The following NUTM2F variants were observed in gnomAD, a reference collection of about 807,000 sequenced individuals.
NUTM2F encodes NUT family member 2F.
NUTM2F carries 22 observed loss-of-function variants against 43.3 expected under a neutral mutation model. The ratio of observed to expected loss-of-function variants is 0.51; its 90% CI spans 0.36 to 0.73. The LOEUF (loss-of-function observed/expected upper bound fraction) is 0.73, where lower values mean the gene tolerates loss of function less well. Among genes scored for constraint, NUTM2F ranks in the 30% least tolerant of loss-of-function variants. The probability of loss-of-function intolerance (pLI) is 0.00; values close to 1 mark genes in which losing one functional copy is unlikely to be tolerated. For synonymous variants in NUTM2F, 202 were observed against 389.0 expected (o/e 0.52, Z 5.66); for missense variants, 488 against 927.4 (o/e 0.53, Z 6.15).
At chr9:94,321,062 A>G (rs1212976349) in intron 4 of NUTM2F, 31 bp downstream of exon 4, 10 of 1,537,678 alleles carry the variant, frequency 6.5e-6, no homozygotes, top group Non-Finnish European at 8.7e-6. Context: ...GGCCTTTGCC[A>G]TGGCTCCTGT....
Position 94,320,785 on chromosome 9 carries a change from G to A in NUTM2F, c.983-192C>T, listed in dbSNP as rs967837701. On this transcript the variant is annotated intron_variant, in intron 4 of 6. Transcript: ENST00000253262. The surrounding 1 kb of genome is among the most constrained non-coding windows in gnomAD (Gnocchi z 4.5). ...AGCATCGCTTGGGAGGAAGTTTGGA[G>A]CCACCGATATGCCGTGTACTCTCCC... 1.3e-5 allele frequency among the ~76,000 whole-genome samples: 2 copies of A among 152,166 alleles called. No homozygotes were observed. The highest frequency in any genetic ancestry group is 2.1e-4 in the South Asian group (1 of 4,832).
intron 3 of NUTM2F, 36 bp downstream of exon 3, chr9:94,322,165 G>A (rs373331545): frequency 1.7e-5 from 28 of 1,611,304 alleles, no homozygotes; most frequent in African/African-American, 5.4e-5. Flanking sequence ...CTCTCACCCC[G>A]CCACACGGGC....
chr9:94,322,267 T>A lies in NUTM2F; in HGVS notation c.776A>T (p.Gln259Leu). ...PTMTLEEGLWQAMREWQHTSN... is the reference protein window; with the variant it reads ...PTMTLEEGLWLAMREWQHTSN... ...CGTGTGCTGCCATTCCCGCATGGCC[T>A]GCCACAGTCCCTCCTCCAGCGTCAT... The change falls in exon 3 of 7, where the codon CAG becomes CTG. Residue 259 changes from glutamine to leucine, a missense_variant. Gln to Leu is a moderately radical substitution (Grantham distance 113). Coordinates refer to ENST00000253262, the MANE Select transcript of NUTM2F (RefSeq NM_017561.2). 1 of 1,611,820 alleles carries A rather than the reference T, an allele frequency of 6.2e-7. No individual in the cohort carries two copies. The highest frequency in any genetic ancestry group is 8.5e-7 in the Non-Finnish European group (1 of 1,179,688).
Position 94,320,965 on chromosome 9 carries a change from C to A in NUTM2F, c.982+128G>T. ...ACCTGGTCAATACCCAACATACACT[C>A]CCGGAAGCTGTCCTGTTGGAGGGAG... On this transcript the variant is annotated intron_variant, in intron 4 of 6. Coordinates refer to ENST00000253262, the MANE Select transcript of NUTM2F (RefSeq NM_017561.2). This position sits in a 1 kb window ranked among gnomAD's most constrained non-coding sequence, Gnocchi z 4.5. 6.9e-7 allele frequency: 1 copy of A among 1,444,892 alleles called. No homozygotes were observed. Among genetic ancestry groups the A allele is most frequent in the Non-Finnish European group, 9.1e-7 (1 of 1,100,684 alleles). The allele number at this position is 1,444,892 out of a possible 1,614,324, so 89.5% of individuals were successfully genotyped here. A position where few individuals can be genotyped will look rare whatever the true frequency, so the allele number is the denominator to read the frequency against.
At position 94,327,104 on chromosome 9, in the gene NUTM2F, TTC is replaced by T. The variant is rs1178508243; in HGVS notation, c.17-1172_17-1171del. 8.1e-5 allele frequency among the ~76,000 whole-genome samples: 10 copies of T among 123,122 alleles called. 1 individual carries two copies. The highest frequency in any genetic ancestry group is 9.4e-5 in the Non-Finnish European group (5 of 53,012). 80.8% of individuals were successfully genotyped at this position (123,122 alleles called of 152,430 possible). On this transcript the variant is annotated intron_variant, in intron 1 of 6. Transcript: ENST00000253262. ...GAGGTGTCTAGGGATTTTCTTTTTT[TTC>T]TTTTTTTTTTTTTTTGAGACGGAGT...
At position 94,320,559 on chromosome 9, in the gene NUTM2F, C is replaced by T. The variant is rs759189184; in HGVS notation, c.1017G>A (p.Pro339=). 9.9e-6 allele frequency: 16 copies of T among 1,609,632 alleles called. No individual in the cohort carries two copies. The South Asian group carries it at 1.2e-4, about 12-fold the overall frequency. Residue 339 remains proline (P), a synonymous_variant, in exon 5 of 7, where the codon CCG becomes CCA. Transcript: ENST00000253262. This position sits in a 1 kb window ranked among gnomAD's most constrained non-coding sequence, Gnocchi z 4.5. The part of the protein sequence containing the change: ...YLPSKDGPKA[P]TACLPPPRPQ... ...GCCTGGGTGGTGGCAGGCAGGCAGT[C>T]GGGGCCTTGGGGCCATCCTTGCTGG...
Position 94,322,441 on chromosome 9 carries a change from T to C in NUTM2F, c.714-112A>G, listed in dbSNP as rs1270414691. 6.8e-6 allele frequency: 10 copies of C among 1,469,882 alleles called. No homozygotes were observed. The East Asian group carries it at 1.9e-4, about 28-fold the overall frequency. The allele number at this position is 1,469,882 out of a possible 1,614,324, so 91.1% of individuals were successfully genotyped here. A position where few individuals can be genotyped will look rare whatever the true frequency, so the allele number is the denominator to read the frequency against. On this transcript the variant is annotated intron_variant, in intron 2 of 6. Coordinates refer to ENST00000253262, the MANE Select transcript of NUTM2F (RefSeq NM_017561.2). The stretch of plus-strand genomic sequence containing the variant: ...CCACACCTGTCCTGCCATCTGTCCC[T>C]GTCCTGTTCTCCCCCATGTGGGCTC...
rs1433833305 is a variant in NUTM2F, at chr9:94,320,467, T to C, written c.1109A>G (p.Asn370Ser). 6.2e-7 allele frequency: 1 copy of C among 1,611,124 alleles called. No homozygotes were observed. The highest frequency in any genetic ancestry group is 8.5e-7 in the Non-Finnish European group (1 of 1,179,400). The change falls in exon 5 of 7, where the codon AAC becomes AGC. Residue 370 changes from asparagine to serine, a missense_variant. Physicochemically the swap from Asn to Ser is conservative, Grantham distance 46. Transcript: ENST00000253262. This position sits in a 1 kb window ranked among gnomAD's most constrained non-coding sequence, Gnocchi z 4.5. ...PPRPQRPAET[N>S]AHLPPPRPQR... ...GGGCCTGGGTGGTGGCAGGTGGGCG[T>C]TGGTCTCCGCTGGCCTCTGGGGCCT...
chr9:94,323,994 G>A (rs551810720), intron 2 of NUTM2F, among the ~76,000 whole-genome samples: 4 of 152,326 alleles, frequency 2.6e-5, no homozygotes, highest in African/African-American at 7.2e-5. Flanking sequence ...CCCAGGGTGG[G>A]TGCGGTGGCT....
At chr9:94,326,951 T>C (rs1326364314) in intron 1 of NUTM2F, among the ~76,000 whole-genome samples, 1 of 149,960 alleles carries the variant, frequency 6.7e-6, no homozygotes, top group Non-Finnish European at 1.5e-5. Flanking sequence ...CTCAGGAAGC[T>C]CAGTTCCCAG....
rs1404175781 is a variant in NUTM2F at position 94,320,981 on chromosome 9, T to C, written c.982+112A>G. 3.4e-6 allele frequency: 5 copies of C among 1,463,690 alleles called. No individual in the cohort carries two copies. Among genetic ancestry groups the C allele is most frequent in the Non-Finnish European group, 3.6e-6 (4 of 1,112,330 alleles). The allele number at this position is 1,463,690 out of a possible 1,614,324, so 90.7% of individuals were successfully genotyped here. On this transcript the variant is annotated intron_variant, in intron 4 of 6. Transcript: ENST00000253262. The surrounding 1 kb of genome is among the most constrained non-coding windows in gnomAD (Gnocchi z 4.5). ...ACATACACTCCCGGAAGCTGTCCTG[T>C]TGGAGGGAGCAAATCCCCCTCTTGA...
chr9:94,326,245 C>T (rs1174843876), intron 1 of NUTM2F, among the ~76,000 whole-genome samples: 1 of 152,082 alleles, frequency 6.6e-6, no homozygotes, highest in African/African-American at 2.4e-5. Context: ...ATCTCCCAAG[C>T]CATGGGTCAG....
rs773752816 is a variant in NUTM2F at position 94,325,827 on chromosome 9, G to A, written c.124C>T (p.Pro42Ser). 96 of 1,612,008 alleles carry A rather than the reference G, an allele frequency of 6.0e-5. No homozygotes were observed. The highest frequency in any genetic ancestry group is 7.6e-5 in the Non-Finnish European group (90 of 1,179,868). The change falls in exon 2 of 7, where the codon CCC (proline) becomes TCC (serine). Residue 42 changes from proline (P) to serine (S), a missense_variant. Physicochemically the swap from Pro to Ser is moderately conservative, Grantham distance 74 (BLOSUM62 -1). Coordinates refer to ENST00000253262, the MANE Select transcript of NUTM2F (RefSeq NM_017561.2). Reference sequence around the variant, plus strand: ...GGAGGAACCACTGCAGTCACGAGGGGCGGCCTGTGTGCTGGGCCGGGAGCG... The same window carrying A: ...GGAGGAACCACTGCAGTCACGAGGGACGGCCTGTGTGCTGGGCCGGGAGCG... ...TPAPGPAHRP[P>S]LVTAVVPPAG...
Position 94,322,519 on chromosome 9 carries a change from T to C in NUTM2F, c.714-190A>G, listed in dbSNP as rs142736796. Reference sequence around the variant, plus strand: ...TCCAACATCAATAGAAGCCACTGAGTGGCCTCTCCGACTGCCTCTCAAGTC... The same window carrying C: ...TCCAACATCAATAGAAGCCACTGAGCGGCCTCTCCGACTGCCTCTCAAGTC... On this transcript the variant is annotated intron_variant, in intron 2 of 6. Transcript: ENST00000253262. 3.2e-3 allele frequency among the ~76,000 whole-genome samples: 490 copies of C among 152,296 alleles called. 2 individuals are homozygous for C. Among genetic ancestry groups the C allele is most frequent in the African/African-American group, 0.011 (470 of 41,566 alleles).
Position 94,322,288 on chromosome 9 carries a change from G to A in NUTM2F, c.755C>T (p.Thr252Met), listed in dbSNP as rs370496850. The change falls in exon 3 of 7, where the codon ACG (threonine) becomes ATG (methionine). Residue 252 changes from threonine to methionine, a missense_variant. Coordinates refer to ENST00000253262, the MANE Select transcript of NUTM2F (RefSeq NM_017561.2). ...RSLARRKPTM[T>M]LEEGLWQAMR... is the part of the protein sequence containing the mutation. Reference sequence around the variant, plus strand: ...GGCCTGCCACAGTCCCTCCTCCAGCGTCATGGTGGGCTTCCGCCGGGCCAG... The same window carrying A: ...GGCCTGCCACAGTCCCTCCTCCAGCATCATGGTGGGCTTCCGCCGGGCCAG... 6.8e-5 allele frequency: 109 copies of A among 1,611,838 alleles called. No homozygotes were observed. The highest frequency in any genetic ancestry group is 1.1e-4 in the African/African-American group (8 of 74,830).
At position 94,322,230 on chromosome 9, in the gene NUTM2F, G is replaced by A; in HGVS notation, c.813C>T (p.Asp271=). Residue 271 remains aspartate, a synonymous_variant, in exon 3 of 7, where the codon GAC becomes GAT. Transcript: ENST00000253262. ...CCGCCATCTCGTAGAAGATCATCCGGTCAAAGTTGCTCGTGTGCTGCCATT... is the reference window on the plus strand; with the variant it reads ...CCGCCATCTCGTAGAAGATCATCCGATCAAAGTTGCTCGTGTGCTGCCATT... The part of the protein sequence containing the change: ...MREWQHTSNF[D]RMIFYEMAEK... 1 of 1,612,090 alleles carries A rather than the reference G, an allele frequency of 6.2e-7. No individual in the cohort carries two copies. Among genetic ancestry groups the A allele is most frequent in the Middle Eastern group, 2.3e-4 (1 of 4,436 alleles).
chr9:94,325,719 C>T lies in NUTM2F; in HGVS notation c.232G>A (p.Ala78Thr), dbSNP rs762282751. ...CTCATCTGGACAAAGACGTTGGAAG[C>T]CCCGGCCCCACTCGGGCCGCGGCCA... ...QDGRGPSGAG[A>T]SNVFVQMRTE... Residue 78 changes from alanine to threonine, a missense_variant, in exon 2 of 7, where the codon GCT becomes ACT. By Grantham distance (58) the Ala-to-Thr change is moderately conservative (BLOSUM62 0). Transcript: ENST00000253262. The T allele has an allele frequency of 4.3e-6, 7 of 1,611,780 alleles. No homozygotes were observed. The Admixed American group carries it at 1.2e-4, about 27-fold the overall frequency.
In NUTM2F at chr9:94,318,632, A is replaced by C; in HGVS notation, c.2104T>G (p.Phe702Val). The C allele has an allele frequency of 2.0e-6, 3 of 1,467,042 alleles. No homozygotes were observed. Among genetic ancestry groups the C allele is most frequent in the Non-Finnish European group, 2.7e-6 (3 of 1,102,674 alleles). 90.9% of individuals were successfully genotyped at this position (1,467,042 alleles called of 1,614,324 possible). ...PASKSKKRPL[F>V]GSPSPAEKTP... ...TTTTCAGCAGGGGATGGGCTTCCAA[A>C]GAGAGGTCGCTTCTTGGACTTGCTG... The change falls in exon 7 of 7, where the codon TTT (phenylalanine) becomes GTT (valine). Residue 702 changes from phenylalanine to valine, a missense_variant. Transcript: ENST00000253262.
Position 94,325,613 on chromosome 9 carries a change from C to A in NUTM2F, c.338G>T (p.Gly113Val). The part of the protein sequence containing the change: ...TQAPLVWQAP[G>V]TLCGGVMCPP... ...ACACATGACACCTCCACAGAGGGTG[C>A]CTGGAGCCTGCCAGACGAGGGGGGC... Residue 113 changes from glycine to valine, a missense_variant, in exon 2 of 7, where the codon GGC becomes GTC. Gly to Val is a moderately radical substitution (Grantham distance 109). Coordinates refer to ENST00000253262, the MANE Select transcript of NUTM2F (RefSeq NM_017561.2). 3.1e-6 allele frequency: 5 copies of A among 1,601,656 alleles called. No homozygotes were observed. Among genetic ancestry groups the A allele is most frequent in the Non-Finnish European group, 4.3e-6 (5 of 1,176,240 alleles).
Sources: gnomAD v4.1 joint callset for allele counts (sites outside exome capture counted in the v4.1 genomes callset) on GRCh38, gnomAD v4.1.1 for gene constraint, Gnocchi (gnomAD v3.1) non-coding constraint, MANE v1.5 for transcripts, NCBI Gene and HGNC (gene_info 2026-07-23, HGNC 2026-07-21) for gene names.